XIRP2: variants seen among roughly 807,000 people sequenced by gnomAD.
The protein encoded by XIRP2 is xin actin binding repeat containing 2, also known as xin actin-binding repeat-containing protein 2.
XIRP2 carries 236 observed loss-of-function variants against 277.0 expected under a neutral mutation model. The observed-to-expected ratio is 0.85, with a 90% CI of 0.77 to 0.95. The LOEUF is 0.95. Among genes scored for constraint, XIRP2 ranks in the 40% least tolerant of loss-of-function variants. XIRP2 has a pLI of 0.00. For synonymous variants in XIRP2, 1,490 were observed against 1,416.5 expected (o/e 1.05, Z -1.17); for missense variants, 4,640 against 4,157.5 (o/e 1.12, Z -3.19).
At chr2:166,986,410 A>C (rs925856948) in intron 2 of XIRP2, among the ~76,000 whole-genome samples, 14 of 152,234 alleles carry the variant, frequency 9.2e-5, no homozygotes, top group African/African-American at 2.7e-4. Context: ...TAAAATATCA[A>C]TGGTCACTTC....
chr2:166,915,563 A>G (rs1302067380), intron 2 of XIRP2, among the ~76,000 whole-genome samples: 1 of 152,182 alleles, frequency 6.6e-6, no homozygotes, highest in Non-Finnish European at 1.5e-5. Context: ...GTTGCTGTCC[A>G]TAGGTATTAG....
chr2:167,009,483 AT>A (rs1313574943), intron 2 of XIRP2, among the ~76,000 whole-genome samples: 1 of 151,652 alleles, frequency 6.6e-6, no homozygotes, highest in Non-Finnish European at 1.5e-5. Context: ...ATTGGGGTTG[AT>A]TTCAAGTCTT....
In XIRP2 at chr2:166,903,682, G is replaced by A. The variant is rs748443720; in HGVS notation, c.200G>A (p.Gly67Glu). 9 of 1,613,512 alleles carry A rather than the reference G, an allele frequency of 5.6e-6. No individual in the cohort carries two copies. Among genetic ancestry groups the A allele is most frequent in the East Asian group, 2.2e-5 (1 of 44,816 alleles). ...LDPTSLPYSTGEEMWSSKPEE... is the reference protein window; with the variant it reads ...LDPTSLPYSTEEEMWSSKPEE... ...CCCACAAGTCTGCCCTACAGTACAGGGGAAGAGATGTGGAGTTCGAAGCCG... is the reference window on the plus strand; with the variant it reads ...CCCACAAGTCTGCCCTACAGTACAGAGGAAGAGATGTGGAGTTCGAAGCCG... Residue 67 changes from glycine to glutamate, a missense_variant, in exon 2 of 11, where the codon GGG (glycine) becomes GAG (glutamate). Coordinates refer to ENST00000409195, the MANE Select transcript of XIRP2 (RefSeq NM_152381.6).
chr2:167,195,365 C>G (rs1228059917), intron 3 of XIRP2, among the ~76,000 whole-genome samples: 1 of 152,196 alleles, frequency 6.6e-6, no homozygotes, highest in Admixed American at 6.5e-5. Context: ...AGTAATTTGA[C>G]CTGGTTCTTA....
chr2:167,065,292 G>A (rs1689273568), intron 2 of XIRP2, among the ~76,000 whole-genome samples: 1 of 151,724 alleles, frequency 6.6e-6, no homozygotes, highest in South Asian at 2.1e-4. Context: ...TTGGCCATTT[G>A]TATACTTATT....
At chr2:167,126,532 T>C (rs544070699) in intron 2 of XIRP2, among the ~76,000 whole-genome samples, 20 of 152,308 alleles carry the variant, frequency 1.3e-4, no homozygotes, top group African/African-American at 4.8e-4. Context: ...GCATGATTTG[T>C]CCTTATTTTT....
chr2:167,064,438 G>T (rs908447322), intron 2 of XIRP2, among the ~76,000 whole-genome samples: 2 of 151,666 alleles, frequency 1.3e-5, no homozygotes, highest in African/African-American at 4.8e-5. Context: ...AATGATTTCT[G>T]CCTATCACAT....
intron 2 of XIRP2, among the ~76,000 whole-genome samples, chr2:166,914,245 C>T (rs1281049157): frequency 1.1e-4 from 17 of 152,106 alleles, no homozygotes; most frequent in Admixed American, 1.1e-3. Flanking sequence ...TGGATGCTCC[C>T]CAAGGGCTTT....
At chr2:166,974,263 C>T (rs1686655220) in intron 2 of XIRP2, among the ~76,000 whole-genome samples, 1 of 151,648 alleles carries the variant, frequency 6.6e-6, no homozygotes, top group Non-Finnish European at 1.5e-5. Flanking sequence ...ATCCACACTG[C>T]AAAAAATAAT....
chr2:166,924,564 A>G (rs1685136106), intron 2 of XIRP2, among the ~76,000 whole-genome samples: 1 of 151,926 alleles, frequency 6.6e-6, no homozygotes, highest in South Asian at 2.1e-4. Context: ...TTATGCTTGC[A>G]CAGTCTCTTC....
intron 2 of XIRP2, among the ~76,000 whole-genome samples, chr2:166,946,604 T>C (rs1361374057): frequency 6.6e-6 from 1 of 151,864 alleles, no homozygotes; most frequent in African/African-American, 2.4e-5. Context: ...TTTGAAGAGG[T>C]TTTTTAATAA....
intron 3 of XIRP2, among the ~76,000 whole-genome samples, chr2:167,175,640 A>T (rs1692819812): frequency 6.6e-6 from 1 of 152,268 alleles, no homozygotes; most frequent in South Asian, 2.1e-4. Flanking sequence ...GGAGGCAGTC[A>T]TGTCCCTTAA....
intron 2 of XIRP2, among the ~76,000 whole-genome samples, chr2:167,085,514 C>T (rs1458980117): frequency 2.0e-5 from 3 of 151,904 alleles, no homozygotes; most frequent in East Asian, 1.9e-4. Context: ...CTTTCTGTCT[C>T]GTTGATCTGT....
chr2:167,185,576 C>G (rs1234726851), intron 3 of XIRP2, among the ~76,000 whole-genome samples: 1 of 151,920 alleles, frequency 6.6e-6, no homozygotes, highest in African/African-American at 2.4e-5. Flanking sequence ...GAAGTCAGAT[C>G]TTTGAGTAAT....
chr2:166,961,813 T>C (rs1426867973), intron 2 of XIRP2, among the ~76,000 whole-genome samples: 2 of 151,774 alleles, frequency 1.3e-5, no homozygotes, highest in Admixed American at 6.6e-5. Context: ...CTTTCAACTT[T>C]ACTTTTTTTT....
chr2:167,182,733 A>G (rs992844950), intron 3 of XIRP2, among the ~76,000 whole-genome samples: 4 of 152,234 alleles, frequency 2.6e-5, no homozygotes, highest in African/African-American at 9.6e-5. Flanking sequence ...CTGACAGAAT[A>G]AAAGAAAATA....
intron 2 of XIRP2, among the ~76,000 whole-genome samples, chr2:167,112,792 C>T (rs1038347911): frequency 1.4e-4 from 21 of 151,936 alleles, no homozygotes; most frequent in African/African-American, 5.1e-4. Context: ...GCTGGGACTA[C>T]AGGTGTGTGC....
intron 2 of XIRP2, among the ~76,000 whole-genome samples, chr2:166,958,587 C>T (rs960829119): frequency 6.6e-6 from 1 of 151,486 alleles, no homozygotes; most frequent in Non-Finnish European, 1.5e-5. Flanking sequence ...TCTCTCTGTG[C>T]AAATAAAATA....
chr2:167,218,819 A>AT (rs530492131), intron 5 of XIRP2, among the ~76,000 whole-genome samples: 92 of 152,106 alleles, frequency 6.0e-4, no homozygotes, highest in Non-Finnish European at 1.0e-3. Context: ...TCTTATATAA[A>AT]TTTTTTTCCC....
Sources: allele counts gnomAD v4.1 joint callset (sites outside exome capture counted in the v4.1 genomes callset), GRCh38; gene constraint gnomAD v4.1.1; transcripts MANE v1.5; gene names NCBI Gene and HGNC (gene_info 2026-07-23, HGNC 2026-07-21).